Variants in RCL1 observed in about 807,000 individuals in gnomAD.
The protein encoded by RCL1 is RNA 3'-terminal phosphate cyclase-like protein.
RCL1 carries 24 observed loss-of-function variants against 42.4 expected under a neutral mutation model. That is an observed-to-expected ratio of 0.57 (90% confidence interval 0.41 to 0.80). The LOEUF is 0.80. Among genes scored for constraint, RCL1 ranks in the 30% least tolerant of loss-of-function variants. The probability of loss-of-function intolerance (pLI) is 0.00; values close to 1 mark genes in which losing one functional copy is unlikely to be tolerated. For missense variants in RCL1, 578 were observed against 467.9 expected (o/e 1.24, Z -2.17); for synonymous variants, 228 against 177.3 (o/e 1.29, Z -2.27).
intron 1 of RCL1, among the ~76,000 whole-genome samples, chr9:4,813,630 C>T (rs1276321973): frequency 2.6e-5 from 4 of 152,134 alleles, no homozygotes; most frequent in African/African-American, 4.8e-5. Flanking sequence ...GACAGTGTGG[C>T]GATTCCTCAA....
intron 1 of RCL1, among the ~76,000 whole-genome samples, chr9:4,817,698 T>G (rs12552098): frequency 0.15 from 22,916 of 152,064 alleles, 1,894 homozygotes; most frequent in Middle Eastern, 0.31. Context: ...GGTTTGGTCA[T>G]GTTGCCCATG....
intron 1 of RCL1, among the ~76,000 whole-genome samples, chr9:4,815,929 A>G (rs1042325192): frequency 1.3e-5 from 2 of 151,534 alleles, no homozygotes; most frequent in African/African-American, 4.9e-5. Context: ...GCTGATCCTG[A>G]TTGGGGATTG....
chr9:4,849,187 A>C (rs1252578666), intron 7 of RCL1, among the ~76,000 whole-genome samples: 1 of 142,500 alleles, frequency 7.0e-6, no homozygotes, highest in East Asian at 2.0e-4. Context: ...TTTTTTTACT[A>C]GATTCACTTA....
Position 4,849,509 on chromosome 9 carries a change from G to A in RCL1, c.930G>A (p.Gln310=). 3 of 1,613,864 alleles carry A rather than the reference G, an allele frequency of 1.9e-6. No homozygotes were observed. Among genetic ancestry groups the A allele is most frequent in the Non-Finnish European group, 2.5e-6 (3 of 1,179,932 alleles). ...LALLLMTLGQ[Q]DVSKVLLGPL... is the part of the protein sequence containing the mutation. ...TACTACTCATGACCCTTGGACAGCA[G>A]GATGTTTCCAAAGTCCTGCTAGGCC... The change falls in exon 8 of 9, where the codon CAG becomes CAA. Residue 310 remains glutamine (Q), a synonymous_variant. Coordinates refer to ENST00000381750, the MANE Select transcript of RCL1 (RefSeq NM_005772.5).
chr9:4,809,649 C>A (rs990502216), intron 1 of RCL1, among the ~76,000 whole-genome samples: 1 of 152,106 alleles, frequency 6.6e-6, no homozygotes. Flanking sequence ...AAATGGAATG[C>A]GAGATCGAAT....
intron 1 of RCL1, among the ~76,000 whole-genome samples, chr9:4,807,570 A>T (rs540243422): frequency 3.2e-4 from 48 of 152,198 alleles, no homozygotes; most frequent in African/African-American, 8.9e-4. Flanking sequence ...TCCAGGCTGG[A>T]GTGCAATGGC....
intron 3 of RCL1, among the ~76,000 whole-genome samples, chr9:4,832,504 C>G (rs1162996009): frequency 6.6e-6 from 1 of 152,068 alleles, no homozygotes; most frequent in African/African-American, 2.4e-5. Context: ...ACGTTTATAC[C>G]TATAAGAATG....
At chr9:4,847,675 G>T (rs1381450318) in intron 7 of RCL1, among the ~76,000 whole-genome samples, 1 of 152,190 alleles carries the variant, frequency 6.6e-6, no homozygotes, top group Non-Finnish European at 1.5e-5. Flanking sequence ...TGTGCACAGA[G>T]ACCTTCACTG....
chr9:4,832,635 C>A (rs1816977137), intron 3 of RCL1, among the ~76,000 whole-genome samples: 1 of 151,620 alleles, frequency 6.6e-6, no homozygotes, highest in African/African-American at 2.4e-5. Flanking sequence ...TGGTGAAACC[C>A]CGTCTCTACT....
At chr9:4,801,776 AC>A (rs1241085528) in intron 1 of RCL1, among the ~76,000 whole-genome samples, 1 of 150,292 alleles carries the variant, frequency 6.7e-6, no homozygotes, top group Non-Finnish European at 1.5e-5. Context: ...ATTTGTTGAA[AC>A]GGCATCTTTT....
Position 4,833,176 on chromosome 9 carries a change from C to A in RCL1, c.407C>A (p.Ala136Glu). The change falls in exon 4 of 9, where the codon GCA becomes GAA. Residue 136 changes from alanine to glutamate, a missense_variant. Ala to Glu is a moderately radical substitution (Grantham distance 107, BLOSUM62 -1). Coordinates refer to ENST00000381750, the MANE Select transcript of RCL1 (RefSeq NM_005772.5). ...DPSVDVLKAT[A>E]LPLLKQFGID... The stretch of plus-strand genomic sequence containing the variant: ...TAGGTTGATGTTCTTAAGGCAACAG[C>A]ACTCCCTTTGTTGAAACAATTTGGG... 1 of 1,612,326 alleles carries A rather than the reference C, an allele frequency of 6.2e-7. No homozygotes were observed. The highest frequency in any genetic ancestry group is 8.5e-7 in the Non-Finnish European group (1 of 1,178,326).
rs188521973 is a variant in RCL1 at position 4,858,676 on chromosome 9, A to G, written c.972-1449A>G. On this transcript the variant is annotated intron_variant, in intron 8 of 8. Transcript: ENST00000381750. ...TGTGTGGTTTATTTCTTGACTCTCAATTCTCTTCCATTGATCTATGTGTTT... is the reference window on the plus strand; with the variant it reads ...TGTGTGGTTTATTTCTTGACTCTCAGTTCTCTTCCATTGATCTATGTGTTT... 1.3e-3 allele frequency among the ~76,000 whole-genome samples: 199 copies of G among 152,256 alleles called. 1 individual carries two copies. Among genetic ancestry groups the G allele is most frequent in the African/African-American group, 4.6e-3 (192 of 41,542 alleles).
At chr9:4,819,969 C>T (rs1816533650) in intron 1 of RCL1, among the ~76,000 whole-genome samples, 2 of 152,098 alleles carry the variant, frequency 1.3e-5, no homozygotes, top group African/African-American at 2.4e-5. Flanking sequence ...CTTTGTGACC[C>T]CCCCATCCAC....
At chr9:4,860,044 C>G in intron 8 of RCL1, 81 bp from the exon 9 acceptor site, 1 of 990,806 alleles carries the variant, frequency 1.0e-6, no homozygotes, top group Non-Finnish European at 1.4e-6. Context: ...GAGATTAAAA[C>G]CTTGGATTCT....
intron 1 of RCL1, among the ~76,000 whole-genome samples, chr9:4,808,508 A>G (rs1264187061): frequency 6.6e-6 from 1 of 152,066 alleles, no homozygotes; most frequent in Admixed American, 6.5e-5. Flanking sequence ...GGGTTTCGCC[A>G]TGTTGCCCAG....
intron 8 of RCL1, among the ~76,000 whole-genome samples, chr9:4,855,052 C>CAA (rs774233424): frequency 8.4e-5 from 5 of 59,812 alleles, no homozygotes; most frequent in African/African-American, 3.7e-4. Context: ...GACTCCGTCT[C>CAA]AAAAAAAAAA....
At chr9:4,838,231 T>G (rs1201629377) in intron 5 of RCL1, among the ~76,000 whole-genome samples, 1 of 152,208 alleles carries the variant, frequency 6.6e-6, no homozygotes, top group African/African-American at 2.4e-5. Context: ...TTTAACTGAA[T>G]TACTTCCAAA....
intron 1 of RCL1, among the ~76,000 whole-genome samples, chr9:4,808,709 AAAACTT>A (rs1816066375): frequency 1.3e-5 from 2 of 152,220 alleles, no homozygotes; most frequent in Admixed American, 1.3e-4. Flanking sequence ...TCAGGTATAA[AAAACTT>A]GAAAGGCAGT....
chr9:4,799,054 TC>T (rs1249340224), intron 1 of RCL1, among the ~76,000 whole-genome samples: 1 of 75,432 alleles, frequency 1.3e-5, no homozygotes, highest in Non-Finnish European at 2.4e-5. Context: ...CCTCTCTCCC[TC>T]CCCCATCCCT....
Sources: gnomAD v4.1 joint callset for allele counts (sites outside exome capture counted in the v4.1 genomes callset) on GRCh38, gnomAD v4.1.1 for gene constraint, MANE v1.5 for transcripts, NCBI Gene and HGNC (gene_info 2026-07-23, HGNC 2026-07-21) for gene names.